The following TET2 variants were observed in gnomAD, a reference collection of about 807,000 sequenced individuals.
The protein encoded by TET2 is methylcytosine dioxygenase TET2.
Under a neutral mutation model 142.9 loss-of-function variants are expected in TET2, and 299 were observed. The observed-to-expected ratio is 2.09, with a 90% confidence interval of 1.90 to 2.30. TET2 has a LOEUF of 2.30. Ranked by LOEUF, TET2 falls within the 30% of genes most tolerant of loss-of-function variation. TET2 has a pLI of 0.00. For synonymous variants in TET2, 819 were observed against 849.0 expected (o/e 0.96, Z 0.61); for missense variants, 2,418 against 2,378.0 (o/e 1.02, Z -0.35).
chr4:105,237,014 C>A lies in TET2; in HGVS notation c.3072C>A (p.Ile1024=), dbSNP rs779269656. ...GTGATAATGTGCAGCAAAAGAGCATCATTGAGACCATGGAGCAGCATCTGA... is the reference window on the plus strand; with the variant it reads ...GTGATAATGTGCAGCAAAAGAGCATAATTGAGACCATGGAGCAGCATCTGA... ...ASCDNVQQKS[I]IETMEQHLKQ... The change falls in exon 3 of 11, where the codon ATC becomes ATA. Residue 1024 remains isoleucine, a synonymous_variant. Transcript: ENST00000380013. 6.2e-7 allele frequency: 1 copy of A among 1,614,138 alleles called. No homozygotes were observed. The highest frequency in any genetic ancestry group is 8.5e-7 in the Non-Finnish European group (1 of 1,180,020).
At position 105,236,088 on chromosome 4, in the gene TET2, TC is replaced by T. The variant is rs753716661; in HGVS notation, c.2147del (p.Ser716TyrfsTer35). On this transcript the variant is annotated frameshift_variant, in exon 3 of 11. Transcript: ENST00000380013. LOFTEE classifies it high-confidence loss of function. ...TTCAGAGACTGAGCCATTTTCAAAC[TC>T]ACACCTTTTGCAACATAAGCCTCAT... ...QASETEPFSN[S>X]HLLQHKPHKQ... is the part of the protein sequence containing the mutation. 1 of 1,614,108 alleles carries T rather than the reference TC, an allele frequency of 6.2e-7. No homozygotes were observed. Among genetic ancestry groups the T allele is most frequent in the Non-Finnish European group, 8.5e-7 (1 of 1,180,012 alleles).
intron 2 of TET2, among the ~76,000 whole-genome samples, chr4:105,204,228 AATAT>A (rs546941547): frequency 4.9e-5 from 6 of 121,308 alleles, no homozygotes; most frequent in Middle Eastern, 4.2e-3. Context: ...AAAAAAAAAA[AATAT>A]ATACACACAC....
chr4:105,249,953 T>C (rs2110267701), intron 6 of TET2, among the ~76,000 whole-genome samples: 1 of 152,308 alleles, frequency 6.6e-6, no homozygotes, highest in East Asian at 1.9e-4. Context: ...GCATTTGGGG[T>C]CATATTTAAG....
At chr4:105,240,434 T>G (rs1371376702) in intron 3 of TET2, 1 of 1,074,816 alleles carries the variant, frequency 9.3e-7, no homozygotes, top group Non-Finnish European at 1.1e-6. Context: ...GATGAAGATC[T>G]TAATTATAGC....
chr4:105,201,574 T>A (rs1726468334), intron 2 of TET2, among the ~76,000 whole-genome samples: 1 of 152,106 alleles, frequency 6.6e-6, no homozygotes, highest in South Asian at 2.1e-4. Flanking sequence ...GTTGTGTTTT[T>A]TTAAACTTAA....
chr4:105,171,158 G>C (rs1304565333), intron 1 of TET2, among the ~76,000 whole-genome samples: 2 of 151,884 alleles, frequency 1.3e-5, no homozygotes, highest in Non-Finnish European at 2.9e-5. Flanking sequence ...TGTTATTTCT[G>C]AGCTCCATGA....
intron 1 of TET2, among the ~76,000 whole-genome samples, chr4:105,182,887 G>C (rs1234310072): frequency 6.6e-6 from 1 of 151,806 alleles, no homozygotes; most frequent in African/African-American, 2.4e-5. Flanking sequence ...GCTCATATAG[G>C]TCATATGACT....
At chr4:105,259,290 A>G (rs1221447581) in intron 6 of TET2, among the ~76,000 whole-genome samples, 1 of 152,180 alleles carries the variant, frequency 6.6e-6, no homozygotes, top group Non-Finnish European at 1.5e-5. Flanking sequence ...ACTGTTAGGG[A>G]GACAGACAGT....
chr4:105,214,171 G>A (rs1350059027), intron 2 of TET2, among the ~76,000 whole-genome samples: 2 of 151,986 alleles, frequency 1.3e-5, no homozygotes, highest in Admixed American at 6.6e-5. Flanking sequence ...TTTTGTCCAT[G>A]GTTTCTGGTT....
chr4:105,224,383 A>G (rs559112910), intron 2 of TET2, among the ~76,000 whole-genome samples: 18 of 152,292 alleles, frequency 1.2e-4, no homozygotes, highest in African/African-American at 4.3e-4. Flanking sequence ...GCATCATAGC[A>G]TCTTCAAAGA....
intron 2 of TET2, among the ~76,000 whole-genome samples, chr4:105,230,571 A>C (rs930136726): frequency 6.6e-6 from 1 of 152,112 alleles, no homozygotes; most frequent in African/African-American, 2.4e-5. Flanking sequence ...TTTAATTTGC[A>C]TTTCTTTTTA....
chr4:105,187,464 C>T (rs958783036), intron 1 of TET2, among the ~76,000 whole-genome samples: 2 of 152,154 alleles, frequency 1.3e-5, no homozygotes, highest in African/African-American at 4.8e-5. Flanking sequence ...TGTACTTCAC[C>T]TGCCTGATGA....
rs1728890607 is a variant in TET2, at chr4:105,236,247, CA to C, written c.2306del (p.Gln769ArgfsTer44). On this transcript the variant is annotated frameshift_variant, in exon 3 of 11. Transcript: ENST00000380013. LOFTEE classifies it high-confidence loss of function. ...TFPHPQSNND[Q>X]QREGSFFGQT... ...TCCTCACCCCCAAAGCAACAATGAT[CA>C]GCAAAGAGAAGGATCATTCTTTGGC... The C allele has an allele frequency of 6.2e-7, 1 of 1,613,938 alleles. No homozygotes were observed. The highest frequency in any genetic ancestry group is 1.1e-5 in the South Asian group (1 of 91,078).
At chr4:105,150,863 C>G (rs4699159) in intron 1 of TET2, among the ~76,000 whole-genome samples, 151,536 of 152,368 alleles carry the variant, frequency 0.99, 75,354 homozygotes, top group Middle Eastern at 1. Flanking sequence ...AGGGGAAAGT[C>G]AGAGCATGTG....
At chr4:105,171,426 T>C (rs1470339956) in intron 1 of TET2, 1 of 152,228 alleles carries the variant, frequency 6.6e-6, no homozygotes, top group South Asian at 2.1e-4. Flanking sequence ...CATTGATTAA[T>C]AAGTTTTAAT....
At chr4:105,163,854 A>AGAGAGAGAGAGAGAGAGTGTGTGT (rs1553942671) in intron 1 of TET2, among the ~76,000 whole-genome samples, 1 of 85,168 alleles carries the variant, frequency 1.2e-5, no homozygotes, top group Non-Finnish European at 2.4e-5. Context: ...AGAGAGAGAG[A>AGAGAGAGAGAGAGAGAGTGTGTGT]GTGTGTGTGT....
intron 5 of TET2, 151 bp from the exon 6 acceptor site, chr4:105,243,419 G>C (rs1729409996): frequency 1.4e-6 from 1 of 724,186 alleles, no homozygotes; most frequent in Non-Finnish European, 2.3e-6. Flanking sequence ...GGCAGCAAAA[G>C]GCACATTGGA....
intron 1 of TET2, among the ~76,000 whole-genome samples, chr4:105,176,531 C>G (rs902380255): frequency 2.0e-5 from 3 of 152,040 alleles, no homozygotes; most frequent in Non-Finnish European, 2.9e-5. Context: ...AACACATTAC[C>G]ATTTACATTA....
At chr4:105,210,254 G>T (rs566417598) in intron 2 of TET2, among the ~76,000 whole-genome samples, 2 of 152,246 alleles carry the variant, frequency 1.3e-5, no homozygotes, top group Admixed American at 6.6e-5. Flanking sequence ...TGCTACTTGA[G>T]TTCATGGGAA....
Sources: gnomAD v4.1 joint callset for allele counts (sites outside exome capture counted in the v4.1 genomes callset) on GRCh38, gnomAD v4.1.1 for gene constraint, MANE v1.5 for transcripts, NCBI Gene and HGNC (gene_info 2026-07-23, HGNC 2026-07-21) for gene names.